The following ZSCAN30 variants were observed in gnomAD, a reference collection of about 807,000 sequenced individuals.
ZSCAN30 encodes the protein zinc finger and SCAN domain containing 30, also known as zinc finger and SCAN domain-containing protein 30.
A neutral mutation model predicts 44.3 loss-of-function variants in ZSCAN30; 37 were observed. The ratio of observed to expected loss-of-function variants is 0.84; its 90% CI spans 0.64 to 1.10. The LOEUF is 1.10. Among genes scored for constraint, ZSCAN30 ranks in the 50% least tolerant of loss-of-function variants. The pLI is 0.00. For synonymous variants in ZSCAN30, 181 were observed against 204.6 expected, an observed-to-expected ratio of 0.88 and a Z score of 0.98; for missense variants, 549 against 582.6, an observed-to-expected ratio of 0.94 and a Z score of 0.59.
At chr18:35,278,402 A>C (rs1425955557) in intron 1 of ZSCAN30, among the ~76,000 whole-genome samples, 1 of 152,196 alleles carries the variant, frequency 6.6e-6, no homozygotes, top group East Asian at 1.9e-4. Context: ...CAAAATTAGC[A>C]GTGTTTCTGG....
At position 35,254,064 on chromosome 18, in the gene ZSCAN30, G is replaced by T. The variant is rs200557192; in HGVS notation, c.871C>A (p.Gln291Lys). 5.6e-4 allele frequency: 902 copies of T among 1,614,110 alleles called. 4 individuals are homozygous for T. The highest frequency in any genetic ancestry group is 3.3e-3 in the Middle Eastern group (20 of 6,062). ...TTTTCCCTAGTGTCAACGCTCTGTT[G>T]TGTAATATCATTTGAATTCATACTG... The part of the protein sequence containing the change: ...SFSMNSNDIT[Q>K]QSVDTREKLY... The change falls in exon 4 of 4, where the codon CAA (glutamine) becomes AAA (lysine). Residue 291 changes from glutamine to lysine, a missense_variant. By Grantham distance (53) the Gln-to-Lys change is moderately conservative (BLOSUM62 1). Transcript: ENST00000333206.
At chr18:35,288,813 G>C (rs2044598904) in intron 1 of ZSCAN30, among the ~76,000 whole-genome samples, 1 of 152,220 alleles carries the variant, frequency 6.6e-6, no homozygotes, top group Non-Finnish European at 1.5e-5. Context: ...CAACGGGCAG[G>C]AGGAAACTTT....
At chr18:35,264,600 T>G in intron 1 of ZSCAN30, 145 bp from the exon 2 acceptor site, 1 of 475,532 alleles carries the variant, frequency 2.1e-6, no homozygotes, top group Non-Finnish European at 3.7e-6. Flanking sequence ...GATACATTTA[T>G]AGATGACTCA....
intron 3 of ZSCAN30, among the ~76,000 whole-genome samples, chr18:35,256,758 T>A (rs963471664): frequency 1.3e-5 from 2 of 151,372 alleles, no homozygotes; most frequent in Non-Finnish European, 2.9e-5. Flanking sequence ...AGCTCTTCTG[T>A]TTTTGTTGTT....
intron 1 of ZSCAN30, among the ~76,000 whole-genome samples, chr18:35,279,704 GCACTCCAAGTCCTATTTTATAAAGA>G (rs1050154411): frequency 1.3e-5 from 2 of 152,266 alleles, no homozygotes; most frequent in East Asian, 3.9e-4. Context: ...AAGCCTTGGA[GCACTCCAAGTCCTATTTTATAAAGA>G]CACTTAATCC....
Position 35,253,230 on chromosome 18 carries a change from A to G in ZSCAN30, c.*220T>C. ...GAAATGGGTTAGGCATTTCAAGGAA[A>G]TATCTACCATTCTTTTTGGAGAAGA... is the stretch of plus-strand genomic sequence containing the variant. On this transcript the variant is annotated 3_prime_UTR_variant, in exon 4 of 4. Coordinates refer to ENST00000333206, the MANE Select transcript of ZSCAN30 (RefSeq NM_001112734.4). 1 of 429,076 alleles carries G rather than the reference A, an allele frequency of 2.3e-6. No individual in the cohort carries two copies. Among genetic ancestry groups the G allele is most frequent in the Admixed American group, 3.9e-5 (1 of 25,614 alleles). 26.6% of individuals were successfully genotyped at this position (429,076 alleles called of 1,614,324 possible). A position where few individuals can be genotyped will look rare whatever the true frequency, so the allele number is the denominator to read the frequency against.
At chr18:35,287,645 C>G (rs1216437978) in intron 1 of ZSCAN30, among the ~76,000 whole-genome samples, 5 of 149,936 alleles carry the variant, frequency 3.3e-5, no homozygotes, top group Non-Finnish European at 5.9e-5. Flanking sequence ...CAAATTAATT[C>G]CAGATGGATC....
intron 1 of ZSCAN30, among the ~76,000 whole-genome samples, chr18:35,272,336 C>T (rs550782590): frequency 7.3e-6 from 1 of 137,418 alleles, no homozygotes; most frequent in South Asian, 2.4e-4. Context: ...GGCCCATATC[C>T]ATCATTTTAG....
At chr18:35,264,814 A>T (rs886621117) in intron 1 of ZSCAN30, among the ~76,000 whole-genome samples, 3 of 152,194 alleles carry the variant, frequency 2.0e-5, no homozygotes, top group Non-Finnish European at 4.4e-5. Context: ...CATAAATTTT[A>T]TATGCTTTTC....
intron 3 of ZSCAN30, 40 bp downstream of exon 3, chr18:35,263,473 C>T: frequency 1.2e-6 from 2 of 1,610,826 alleles, no homozygotes; most frequent in Non-Finnish European, 1.7e-6. Context: ...TGATAGCTCT[C>T]ACCTCCATCC....
chr18:35,262,670 G>A (rs994020987), intron 3 of ZSCAN30: 2 of 152,240 alleles, frequency 1.3e-5, no homozygotes, highest in African/African-American at 4.8e-5. Context: ...TCTGTACCAG[G>A]TCAGCTCCCC....
rs1386825561 is a variant in ZSCAN30 at position 35,251,793 on chromosome 18, A to G, written c.*1657T>C. 1.4e-5 allele frequency: 2 copies of G among 143,524 alleles called. No homozygotes were observed. The highest frequency in any genetic ancestry group is 4.4e-4 in the South Asian group (2 of 4,508). The allele number at this position is 143,524 out of a possible 1,614,324, so 8.9% of individuals were successfully genotyped here. On this transcript the variant is annotated 3_prime_UTR_variant, in exon 4 of 4. Coordinates refer to ENST00000333206, the MANE Select transcript of ZSCAN30 (RefSeq NM_001112734.4). ...CCCTGCAGAACTGTCAGTCAATTAAACCTCTTTTTTTTTTTTAATAAATTA... is the reference window on the plus strand; with the variant it reads ...CCCTGCAGAACTGTCAGTCAATTAAGCCTCTTTTTTTTTTTTAATAAATTA...
rs191923648 is a variant in ZSCAN30 at position 35,275,034 on chromosome 18, C to T, written c.-103-10579G>A. ...TCATAAATATACTTTCACATATTTT[C>T]TTCTACAAATTTTACAAAAAGTTTG... On this transcript the variant is annotated intron_variant, in intron 1 of 3. Transcript: ENST00000333206. Among the ~76,000 whole-genome samples the T allele has an allele frequency of 5.3e-3, 807 of 152,226 alleles. 3 individuals carry two copies. The highest frequency in any genetic ancestry group is 7.3e-3 in the Non-Finnish European group (496 of 67,998).
chr18:35,276,312 T>G (rs1208491506), intron 1 of ZSCAN30, among the ~76,000 whole-genome samples: 1 of 152,066 alleles, frequency 6.6e-6, no homozygotes, highest in Admixed American at 6.5e-5. Flanking sequence ...TTTTTTAAAT[T>G]ACTAACTCAA....
At chr18:35,264,931 G>A (rs1414279329) in intron 1 of ZSCAN30, among the ~76,000 whole-genome samples, 1 of 152,102 alleles carries the variant, frequency 6.6e-6, no homozygotes, top group Non-Finnish European at 1.5e-5. Context: ...AGGATCACGA[G>A]GTCAGAAGAT....
intron 1 of ZSCAN30, chr18:35,270,198 T>C (rs1220533354): frequency 1.3e-5 from 2 of 152,240 alleles, no homozygotes; most frequent in African/African-American, 2.4e-5. Flanking sequence ...ATATGTCACA[T>C]CAGTGAAAGA....
chr18:35,283,458 C>T (rs1444821767), intron 1 of ZSCAN30: 1 of 152,284 alleles, frequency 6.6e-6, no homozygotes, highest in Non-Finnish European at 1.5e-5. Context: ...GTTCTGCCCA[C>T]TCAGCCTGGC....
intron 3 of ZSCAN30, chr18:35,254,626 ATTAG>A: frequency 4.8e-6 from 3 of 623,708 alleles, no homozygotes; most frequent in South Asian, 4.1e-5. Flanking sequence ...AAGGAAAGAC[ATTAG>A]TTAGAGGGAA....
chr18:35,254,269 T>C lies in ZSCAN30; in HGVS notation c.666A>G (p.Gln222=), dbSNP rs201537731. 6 of 1,614,026 alleles carry C rather than the reference T, an allele frequency of 3.7e-6. No individual in the cohort carries two copies. Among genetic ancestry groups the C allele is most frequent in the African/African-American group, 1.3e-5 (1 of 74,934 alleles). ...PGKLPGETHS[Q]RIAEEALGGL... is the part of the protein sequence containing the mutation. ...CTCCCAAAGCTTCTTCAGCTATCCG[T>C]TGGGAATGTGTTTCTCCAGGAAGTT... is the stretch of plus-strand genomic sequence containing the variant. The change falls in exon 4 of 4, where the codon CAA becomes CAG. Residue 222 remains glutamine (Q), a synonymous_variant. Transcript: ENST00000333206.
Sources: gnomAD v4.1 joint callset for allele counts (sites outside exome capture counted in the v4.1 genomes callset) on GRCh38, gnomAD v4.1.1 for gene constraint, MANE v1.5 for transcripts, NCBI Gene and HGNC (gene_info 2026-07-23, HGNC 2026-07-21) for gene names.